The following RPS6KC1 variants were observed in gnomAD, a reference collection of about 807,000 sequenced individuals.
The protein encoded by RPS6KC1 is inactive ribosomal protein S6 kinase delta-1.
A neutral mutation model predicts 103.8 loss-of-function variants in RPS6KC1; 54 were observed. That is an observed-to-expected ratio of 0.52 (90% confidence interval 0.42 to 0.65). The LOEUF (loss-of-function observed/expected upper bound fraction) is 0.65, where lower values mean the gene tolerates loss of function less well. Among genes scored for constraint, RPS6KC1 ranks in the 30% least tolerant of loss-of-function variants. The pLI, the probability that RPS6KC1 is intolerant of heterozygous loss-of-function variation, is 0.00. For missense variants in RPS6KC1, 1,151 were observed against 1,253.8 expected, an observed-to-expected ratio of 0.92 and a Z score of 1.24; for synonymous variants, 439 against 438.7, an observed-to-expected ratio of 1.00 and a Z score of -0.01.
At chr1:213,527,524 TG>T in the RPS6KC1 span, among the ~76,000 whole-genome samples, 24 of 152,078 alleles carry the variant, frequency 1.6e-4, no homozygotes, top group Admixed American at 9.2e-4. Flanking sequence ...CTACAACCAT[TG>T]GGTGGGTAGC....
the RPS6KC1 span, among the ~76,000 whole-genome samples, chr1:213,766,215 C>G: frequency 1.3e-5 from 2 of 152,132 alleles, no homozygotes; most frequent in Non-Finnish European, 2.9e-5. Context: ...GCTTGTTTAA[C>G]GTTTTATTGT....
At chr1:213,247,250 A>AT (rs911404029) in intron 12 of RPS6KC1, among the ~76,000 whole-genome samples, 39 of 152,288 alleles carry the variant, frequency 2.6e-4, no homozygotes, top group Admixed American at 2.4e-3. Flanking sequence ...CTCTTAGGCA[A>AT]TTTCACACTT....
At chr1:213,255,146 G>A (rs1019275973) in intron 12 of RPS6KC1, among the ~76,000 whole-genome samples, 5 of 151,680 alleles carry the variant, frequency 3.3e-5, no homozygotes, top group Admixed American at 2.6e-4. Context: ...ACAAAAAATA[G>A]AAATAAAAAA....
chr1:213,325,789 T>TC, the RPS6KC1 span, among the ~76,000 whole-genome samples: 2 of 152,328 alleles, frequency 1.3e-5, no homozygotes, highest in African/African-American at 4.8e-5. Flanking sequence ...CATGTTTGTG[T>TC]CCTGCTCACA....
intron 3 of RPS6KC1, among the ~76,000 whole-genome samples, chr1:213,093,009 T>G (rs996779374): frequency 6.6e-5 from 10 of 152,132 alleles, no homozygotes; most frequent in Non-Finnish European, 1.5e-4. Context: ...GCTGTTATTA[T>G]CAGCTGCTAA....
the RPS6KC1 span, among the ~76,000 whole-genome samples, chr1:213,389,337 G>A: frequency 6.6e-6 from 1 of 152,340 alleles, no homozygotes; most frequent in South Asian, 2.1e-4. Flanking sequence ...TTATATTCCT[G>A]CAGAGATCGA....
the RPS6KC1 span, among the ~76,000 whole-genome samples, chr1:213,707,839 A>G: frequency 6.6e-6 from 1 of 152,210 alleles, no homozygotes; most frequent in African/African-American, 2.4e-5. Context: ...TTTGTCAAAG[A>G]TCAGATGGTT....
the RPS6KC1 span, among the ~76,000 whole-genome samples, chr1:213,281,143 C>G: frequency 1.3e-5 from 2 of 152,296 alleles, no homozygotes; most frequent in South Asian, 4.1e-4. Context: ...AAGCAACCCT[C>G]CAGCTGGTAA....
chr1:213,120,673 T>G (rs1292987928), intron 5 of RPS6KC1, among the ~76,000 whole-genome samples: 1 of 152,142 alleles, frequency 6.6e-6, no homozygotes, highest in Non-Finnish European at 1.5e-5. Context: ...CTTCTCTAAA[T>G]GTACTATTTT....
chr1:213,329,017 G>C, the RPS6KC1 span, among the ~76,000 whole-genome samples: 1 of 152,120 alleles, frequency 6.6e-6, no homozygotes, highest in African/African-American at 2.4e-5. Context: ...CCAGGGCGTG[G>C]TGCTGGTGGT....
At chr1:213,567,607 C>T in the RPS6KC1 span, among the ~76,000 whole-genome samples, 1 of 152,186 alleles carries the variant, frequency 6.6e-6, no homozygotes, top group African/African-American at 2.4e-5. Context: ...TTTGGAGAGT[C>T]TTGAAGTAAT....
the RPS6KC1 span, among the ~76,000 whole-genome samples, chr1:213,564,935 C>T: frequency 9.2e-5 from 14 of 152,182 alleles, no homozygotes; most frequent in African/African-American, 2.2e-4. Context: ...TCTGTTTTAT[C>T]GTGTTGCTGT....
At chr1:213,716,687 A>G in the RPS6KC1 span, among the ~76,000 whole-genome samples, 137 of 152,254 alleles carry the variant, frequency 9.0e-4, 1 homozygote, top group African/African-American at 3.1e-3. Context: ...ATATTTTACT[A>G]TTTAATTTGG....
At chr1:213,344,096 C>A in the RPS6KC1 span, among the ~76,000 whole-genome samples, 1 of 151,980 alleles carries the variant, frequency 6.6e-6, no homozygotes, top group Non-Finnish European at 1.5e-5. Context: ...ACAAACAAAA[C>A]CTTCAGCATG....
Position 213,273,921 on chromosome 1 carries a change from ATCT to A in RPS6KC1, c.*1292_*1294del, listed in dbSNP as rs757416557. 5 of 152,222 alleles carry A rather than the reference ATCT, an allele frequency of 3.3e-5. No individual in the cohort carries two copies. In the South Asian group the frequency reaches 1.0e-3, roughly 32 times the overall value. 9.4% of individuals were successfully genotyped at this position (152,222 alleles called of 1,614,324 possible). A position where few individuals can be genotyped will look rare whatever the true frequency, so the allele number is the denominator to read the frequency against. On this transcript the variant is annotated 3_prime_UTR_variant, in exon 15 of 15. Coordinates refer to ENST00000366960, the MANE Select transcript of RPS6KC1 (RefSeq NM_012424.6). ...TAATTGAAATTTTTGATATGTTCTA[ATCT>A]TCTTTGCATTTTTGAGATCTGTGTG...
At chr1:213,078,440 C>T (rs566875582) in intron 3 of RPS6KC1, among the ~76,000 whole-genome samples, 2 of 152,188 alleles carry the variant, frequency 1.3e-5, no homozygotes, top group African/African-American at 4.8e-5. Flanking sequence ...CTCATTCTGT[C>T]ACCTAGGCTG....
At chr1:213,182,657 A>G (rs941154396) in intron 8 of RPS6KC1, among the ~76,000 whole-genome samples, 4 of 151,578 alleles carry the variant, frequency 2.6e-5, no homozygotes, top group Admixed American at 1.3e-4. Context: ...AAAAAAACAG[A>G]GATTGATATT....
At chr1:213,650,000 A>G in the RPS6KC1 span, among the ~76,000 whole-genome samples, 1 of 152,204 alleles carries the variant, frequency 6.6e-6, no homozygotes, top group African/African-American at 2.4e-5. Flanking sequence ...AGTAGGTATT[A>G]TGACCCCTGT....
chr1:213,407,222 A>ATG, the RPS6KC1 span, among the ~76,000 whole-genome samples: 2 of 53,804 alleles, frequency 3.7e-5, no homozygotes, highest in Non-Finnish European at 6.4e-5. Context: ...ACGCGCGCAC[A>ATG]CACACACACA....
Sources: allele counts gnomAD v4.1 joint callset (sites outside exome capture counted in the v4.1 genomes callset), GRCh38; gene constraint gnomAD v4.1.1; transcripts MANE v1.5; gene names NCBI Gene and HGNC (gene_info 2026-07-23, HGNC 2026-07-21).